The following EPC2 variants were observed in gnomAD, a reference collection of about 807,000 sequenced individuals.
EPC2 encodes the protein enhancer of polycomb homolog 2.
Under a neutral mutation model 92.1 loss-of-function variants are expected in EPC2, and 14 were observed. The ratio of observed to expected loss-of-function variants is 0.15; its 90% CI spans 0.10 to 0.24. EPC2 has a LOEUF of 0.24. Ranked by LOEUF, EPC2 falls within the 10% of genes least tolerant of loss-of-function variation. The probability of loss-of-function intolerance (pLI) is 1.00; values close to 1 mark genes in which losing one functional copy is unlikely to be tolerated. For synonymous variants in EPC2, 340 were observed against 334.7 expected (o/e 1.02, Z -0.17); for missense variants, 755 against 971.5 (o/e 0.78, Z 2.96).
intron 3 of EPC2, among the ~76,000 whole-genome samples, chr2:148,751,347 C>A (rs761274591): frequency 6.6e-6 from 1 of 151,916 alleles, no homozygotes; most frequent in South Asian, 2.1e-4. Flanking sequence ...AGAAGAAAAG[C>A]CTATATGGTA....
At chr2:148,776,858 T>TC (rs1683656079) in intron 10 of EPC2, among the ~76,000 whole-genome samples, 52 of 6,532 alleles carry the variant, frequency 8.0e-3, no homozygotes, top group African/African-American at 0.026. Flanking sequence ...CTCTCTCTCT[T>TC]TTTTTTTTTT....
chr2:148,779,558 G>A (rs1470478416), intron 10 of EPC2, among the ~76,000 whole-genome samples: 1 of 152,110 alleles, frequency 6.6e-6, no homozygotes, highest in Non-Finnish European at 1.5e-5. Flanking sequence ...CCTCTAGCCT[G>A]GGCAATAGAG....
In EPC2 at chr2:148,737,474, G is replaced by A. The variant is rs115523634; in HGVS notation, c.314-6148G>A. Among the ~76,000 whole-genome samples the A allele has an allele frequency of 1.5e-3, 225 of 152,240 alleles. 2 individuals are homozygous for A. Among genetic ancestry groups the A allele is most frequent in the Middle Eastern group, 0.014 (4 of 292 alleles). ...TGAGGGGGTTGCTGGAGATGGAGGA[G>A]TGGGATGGCTGTAGTGGAAGATTCC... is the stretch of plus-strand genomic sequence containing the variant. On this transcript the variant is annotated intron_variant, in intron 2 of 13. Coordinates refer to ENST00000258484, the MANE Select transcript of EPC2 (RefSeq NM_015630.4).
At chr2:148,747,277 ATCATTTTCCT>A (rs1037905119) in intron 3 of EPC2, among the ~76,000 whole-genome samples, 2 of 152,068 alleles carry the variant, frequency 1.3e-5, no homozygotes, top group African/African-American at 4.8e-5. Flanking sequence ...ATCATTTTCC[ATCATTTTCCT>A]TCCTTTCTAC....
intron 2 of EPC2, among the ~76,000 whole-genome samples, chr2:148,742,300 T>C (rs1370980062): frequency 6.6e-6 from 1 of 152,232 alleles, no homozygotes; most frequent in South Asian, 2.1e-4. Context: ...TATAATTGCC[T>C]ACACACATGG....
intron 2 of EPC2, among the ~76,000 whole-genome samples, chr2:148,728,717 G>A (rs930218858): frequency 1.3e-5 from 2 of 151,410 alleles, no homozygotes; most frequent in African/African-American, 4.9e-5. Context: ...GTGACAAAGT[G>A]AGGCCTTTCC....
chr2:148,694,381 A>T (rs1400413724), intron 2 of EPC2, among the ~76,000 whole-genome samples: 1 of 152,194 alleles, frequency 6.6e-6, no homozygotes, highest in East Asian at 1.9e-4. Flanking sequence ...AATCAGCTTT[A>T]TGCAGAATTT....
chr2:148,776,337 T>C (rs1363984773), intron 10 of EPC2, among the ~76,000 whole-genome samples: 1 of 152,190 alleles, frequency 6.6e-6, no homozygotes, highest in East Asian at 1.9e-4. Flanking sequence ...GAAATTTCAA[T>C]TGTAAATATT....
At position 148,665,891 on chromosome 2, in the gene EPC2, T is replaced by C. The variant is rs188281336; in HGVS notation, c.153+20721T>C. ...GGAATTTATAGTAAATGGGCACTTA[T>C]CTGTTTAGGTGATAAATGTCTTTAA... On this transcript the variant is annotated intron_variant, in intron 1 of 13. Transcript: ENST00000258484. 4.4e-4 allele frequency among the ~76,000 whole-genome samples: 67 copies of C among 152,290 alleles called. No homozygotes were observed. The East Asian group carries it at 6.4e-3, about 14-fold the overall frequency.
intron 3 of EPC2, among the ~76,000 whole-genome samples, chr2:148,750,405 A>G (rs1230827529): frequency 1.3e-5 from 2 of 151,974 alleles, no homozygotes; most frequent in East Asian, 1.9e-4. Flanking sequence ...AAAGTAGCAC[A>G]TGGTTTATGT....
chr2:148,714,993 C>G (rs1040992067), intron 2 of EPC2, among the ~76,000 whole-genome samples: 15 of 148,492 alleles, frequency 1.0e-4, no homozygotes, highest in African/African-American at 3.7e-4. Context: ...ATGCCTATAT[C>G]CTGAATGGTA....
intron 4 of EPC2, among the ~76,000 whole-genome samples, chr2:148,757,349 C>G (rs1683211231): frequency 6.6e-6 from 1 of 152,078 alleles, no homozygotes; most frequent in Non-Finnish European, 1.5e-5. Flanking sequence ...GCACTCCAGC[C>G]TGGGTGACAG....
At chr2:148,760,997 G>A (rs545218635) in intron 4 of EPC2, among the ~76,000 whole-genome samples, 15 of 152,284 alleles carry the variant, frequency 9.9e-5, no homozygotes, top group African/African-American at 3.6e-4. Context: ...ATGCCTAATA[G>A]TAAAGTGAGG....
At chr2:148,722,740 C>CT (rs1682407717) in intron 2 of EPC2, among the ~76,000 whole-genome samples, 1 of 152,224 alleles carries the variant, frequency 6.6e-6, no homozygotes, top group Non-Finnish European at 1.5e-5. Flanking sequence ...CATTGCAGCA[C>CT]TATTCACAGC....
intron 5 of EPC2, 148 bp downstream of exon 5, chr2:148,762,078 G>C (rs1172682163): frequency 1.5e-6 from 1 of 664,516 alleles, no homozygotes; most frequent in Non-Finnish European, 2.3e-6. Context: ...AAGATTTGTG[G>C]TTACTAGTTT....
chr2:148,764,458 T>C (rs565522059), intron 6 of EPC2, among the ~76,000 whole-genome samples: 1 of 152,332 alleles, frequency 6.6e-6, no homozygotes, highest in South Asian at 2.1e-4. Context: ...GCAGTAATTA[T>C]ACATTCTAAA....
At position 148,646,223 on chromosome 2, in the gene EPC2, A is replaced by G. The variant is rs181569461; in HGVS notation, c.153+1053A>G. Among the ~76,000 whole-genome samples the G allele has an allele frequency of 1.4e-3, 206 of 152,298 alleles. 2 individuals carry two copies. The East Asian group carries it at 0.014, about 10-fold the overall frequency. ...TCTTGCTTCAGTGACTGTCAAAAGG[A>G]AGCTCGAGGTTTCAGTGATTGGTTT... is the stretch of plus-strand genomic sequence containing the variant. On this transcript the variant is annotated intron_variant, in intron 1 of 13. Transcript: ENST00000258484.
intron 6 of EPC2, 143 bp downstream of exon 6, chr2:148,762,945 G>T (rs1366572066): frequency 3.7e-6 from 3 of 808,596 alleles, no homozygotes; most frequent in African/African-American, 3.5e-5. Context: ...CAAGCACTTT[G>T]CTAGGAGTAT....
In EPC2 at chr2:148,644,760, C is replaced by A; in HGVS notation, c.-258C>A. 2.6e-6 allele frequency: 1 copy of A among 390,948 alleles called. No individual in the cohort carries two copies. The highest frequency in any genetic ancestry group is 4.6e-6 in the Non-Finnish European group (1 of 216,094). The allele number at this position is 390,948 out of a possible 1,614,324, so 24.2% of individuals were successfully genotyped here. ...CGCTCGCCGCCGCTGTGGTAATGTC[C>A]GCCATGTTGGCCATGGCGCAGGGAG... On this transcript the variant is annotated 5_prime_UTR_variant, in exon 1 of 14. Transcript: ENST00000258484.
Sources: allele counts gnomAD v4.1 joint callset (sites outside exome capture counted in the v4.1 genomes callset), GRCh38; gene constraint gnomAD v4.1.1; transcripts MANE v1.5; gene names NCBI Gene and HGNC (gene_info 2026-07-23, HGNC 2026-07-21).